The following TPRG1 variants were observed in gnomAD, a reference collection of about 807,000 sequenced individuals.
TPRG1 encodes tumor protein p63 regulated 1.
A neutral mutation model predicts 29.3 loss-of-function variants in TPRG1; 29 were observed. That is an observed-to-expected ratio of 0.99 (90% CI 0.74 to 1.35). The LOEUF (loss-of-function observed/expected upper bound fraction) is 1.35. Among genes scored for constraint, TPRG1 ranks in the 40% most tolerant of loss-of-function variants. The probability of loss-of-function intolerance (pLI) is 0.00; values close to 1 mark genes in which losing one functional copy is unlikely to be tolerated. For synonymous variants in TPRG1, 130 were observed against 116.8 expected, an observed-to-expected ratio of 1.11 and a Z score of -0.73; for missense variants, 327 against 335.0, an observed-to-expected ratio of 0.98 and a Z score of 0.19.
intron 2 of TPRG1, among the ~76,000 whole-genome samples, chr3:189,214,236 C>A (rs1214672887): frequency 2.6e-5 from 4 of 152,178 alleles, no homozygotes; most frequent in Admixed American, 2.6e-4. Flanking sequence ...TATTTCATGA[C>A]TCTTTACTTA....
chr3:189,156,289 G>A (rs1283880836), intron 5 of TPRG1, among the ~76,000 whole-genome samples: 1 of 151,740 alleles, frequency 6.6e-6, no homozygotes, highest in East Asian at 1.9e-4. Flanking sequence ...TCAAAGAAAA[G>A]GTTTTTCTCT....
chr3:189,087,623 G>A lies in TPRG1; in HGVS notation c.-462-39434G>A, dbSNP rs541171105. Among the ~76,000 whole-genome samples, 50 of 152,146 alleles carry A rather than the reference G, an allele frequency of 3.3e-4. 4 individuals carry two copies. Among genetic ancestry groups the A allele is most frequent in the South Asian group, 1.2e-3 (6 of 4,816 alleles). On this transcript the variant is annotated intron_variant, in intron 4 of 10. Transcript: ENST00000433971. ...TGGTATTGCCTAGGTTTTCTTCTGC[G>A]GTTTTTATGGTTTTAAGTCTAACAT...
intron 4 of TPRG1, among the ~76,000 whole-genome samples, chr3:189,086,182 TTCAAGG>T (rs1275098804): frequency 4.6e-5 from 7 of 152,104 alleles, no homozygotes; most frequent in Non-Finnish European, 7.4e-5. Context: ...GAGTCTGATG[TTCAAGG>T]GCAAGAAGCA....
chr3:189,008,972 T>C (rs771060269), intron 3 of TPRG1, among the ~76,000 whole-genome samples: 3 of 152,158 alleles, frequency 2.0e-5, no homozygotes, highest in Non-Finnish European at 2.9e-5. Context: ...GGATTGAGAA[T>C]GAGTGGGTCG....
At chr3:189,229,118 G>C (rs1423278537) in intron 3 of TPRG1, among the ~76,000 whole-genome samples, 2 of 152,182 alleles carry the variant, frequency 1.3e-5, no homozygotes, top group Non-Finnish European at 2.9e-5. Flanking sequence ...AGAAATCACA[G>C]AAGATCCAAA....
chr3:189,235,759 T>G (rs1245935060), intron 3 of TPRG1, among the ~76,000 whole-genome samples: 2 of 152,116 alleles, frequency 1.3e-5, no homozygotes, highest in Non-Finnish European at 2.9e-5. Flanking sequence ...TATGCCTGGA[T>G]ATGGTGTCTC....
chr3:189,286,027 C>T (rs1362747155), intron 4 of TPRG1, among the ~76,000 whole-genome samples: 1 of 152,096 alleles, frequency 6.6e-6, no homozygotes, highest in East Asian at 1.9e-4. Flanking sequence ...TGACCCTTCT[C>T]TTGACTTAAT....
At chr3:189,136,275 G>A (rs1723734678) in intron 3 of TPRG1, among the ~76,000 whole-genome samples, 1 of 152,138 alleles carries the variant, frequency 6.6e-6, no homozygotes, top group Non-Finnish European at 1.5e-5. Flanking sequence ...TGTTTCAGAA[G>A]GGAAGGTGGG....
At chr3:189,058,829 G>C (rs1213509388) in intron 4 of TPRG1, among the ~76,000 whole-genome samples, 1 of 152,134 alleles carries the variant, frequency 6.6e-6, no homozygotes, top group African/African-American at 2.4e-5. Context: ...TGCTGCTCAG[G>C]CTGAATTGAT....
chr3:189,052,356 A>T (rs1308887395), intron 4 of TPRG1, among the ~76,000 whole-genome samples: 3 of 152,194 alleles, frequency 2.0e-5, no homozygotes, highest in Non-Finnish European at 4.4e-5. Context: ...AACATCACTG[A>T]TGATCAGGGA....
intron 1 of TPRG1, among the ~76,000 whole-genome samples, chr3:189,106,146 T>A (rs1289230793): frequency 6.6e-6 from 1 of 152,144 alleles, no homozygotes; most frequent in Non-Finnish European, 1.5e-5. Flanking sequence ...GTGTCGATAT[T>A]CACAATTGTT....
intron 4 of TPRG1, among the ~76,000 whole-genome samples, chr3:189,051,244 A>G (rs531660027): frequency 6.6e-6 from 1 of 152,304 alleles, no homozygotes; most frequent in East Asian, 1.9e-4. Context: ...AAGTTTCCAG[A>G]TACAAGATTA....
At chr3:189,285,330 C>T (rs867228654) in intron 4 of TPRG1, among the ~76,000 whole-genome samples, 5 of 152,194 alleles carry the variant, frequency 3.3e-5, no homozygotes, top group East Asian at 3.9e-4. Context: ...CAGGCCTAGG[C>T]GAGGAAAGGC....
intron 4 of TPRG1, among the ~76,000 whole-genome samples, chr3:189,028,826 G>A (rs964638672): frequency 2.6e-5 from 4 of 152,122 alleles, no homozygotes; most frequent in Non-Finnish European, 4.4e-5. Context: ...CTGTACGTTA[G>A]TTAGAGTACA....
At chr3:189,277,049 A>T (rs1417668821) in intron 4 of TPRG1, among the ~76,000 whole-genome samples, 1 of 152,134 alleles carries the variant, frequency 6.6e-6, no homozygotes, top group Non-Finnish European at 1.5e-5. Context: ...GCACTGGGTG[A>T]GACGCTGCTC....
chr3:189,225,050 G>A (rs1174059699), intron 3 of TPRG1, among the ~76,000 whole-genome samples: 1 of 151,172 alleles, frequency 6.6e-6, no homozygotes, highest in Non-Finnish European at 1.5e-5. Flanking sequence ...TCCTGCCTCA[G>A]CCTCCCAAGT....
rs1211947230 is a variant in TPRG1, at chr3:189,323,346, C to T, written c.*2526C>T. The T allele has an allele frequency of 6.6e-6, 1 of 152,096 alleles. No individual in the cohort carries two copies. Among genetic ancestry groups the T allele is most frequent in the African/African-American group, 2.4e-5 (1 of 41,416 alleles). 9.4% of individuals were successfully genotyped at this position (152,096 alleles called of 1,614,324 possible). On this transcript the variant is annotated 3_prime_UTR_variant, in exon 6 of 6. Transcript: ENST00000345063. Reference sequence around the variant, plus strand: ...AATCATGGGAGACCCTGAAAAATTTCCTTACCTTTCCTAAGGTTTAATTTC... The same window carrying T: ...AATCATGGGAGACCCTGAAAAATTTTCTTACCTTTCCTAAGGTTTAATTTC...
At chr3:189,054,289 T>G (rs2152140888) in intron 4 of TPRG1, among the ~76,000 whole-genome samples, 1 of 152,128 alleles carries the variant, frequency 6.6e-6, no homozygotes, top group East Asian at 2.0e-4. Flanking sequence ...CATTTGTCAA[T>G]GAAATTTGCC....
At chr3:189,150,930 G>C (rs1001925153) in intron 5 of TPRG1, 1 of 152,172 alleles carries the variant, frequency 6.6e-6, no homozygotes, top group Non-Finnish European at 1.5e-5. Flanking sequence ...TCCTGCATGT[G>C]TGACCTGAGT....
Sources: gnomAD v4.1 joint callset for allele counts (sites outside exome capture counted in the v4.1 genomes callset) on GRCh38, gnomAD v4.1.1 for gene constraint, MANE v1.5 for transcripts, NCBI Gene and HGNC (gene_info 2026-07-23, HGNC 2026-07-21) for gene names.